The following DNM3 variants were observed in gnomAD, a reference collection of about 807,000 sequenced individuals.
DNM3 encodes the protein dynamin 3.
A neutral mutation model predicts 101.6 loss-of-function variants in DNM3; 47 were observed. That is an observed-to-expected ratio of 0.46 (90% CI 0.37 to 0.59). DNM3 has a LOEUF of 0.59. Among genes scored for constraint, DNM3 ranks in the 20% least tolerant of loss-of-function variants. The pLI, the probability that DNM3 is intolerant of heterozygous loss-of-function variation, is 0.00. For synonymous variants in DNM3, 385 were observed against 387.9 expected (o/e 0.99, Z 0.09); for missense variants, 849 against 1,085.7 (o/e 0.78, Z 3.06).
At chr1:172,091,273 A>G (rs1309349005) in intron 12 of DNM3, among the ~76,000 whole-genome samples, 1 of 152,242 alleles carries the variant, frequency 6.6e-6, no homozygotes, top group Non-Finnish European at 1.5e-5. Context: ...ACCCCTGCTC[A>G]TTAGGAGCTT....
intron 1 of DNM3, among the ~76,000 whole-genome samples, chr1:171,843,170 TA>T (rs1238617633): frequency 1.3e-5 from 2 of 152,216 alleles, no homozygotes; most frequent in Non-Finnish European, 1.5e-5. Flanking sequence ...TCTCAGATGA[TA>T]TTTTTTTTCC....
intron 15 of DNM3, among the ~76,000 whole-genome samples, chr1:172,254,965 C>A (rs1035950574): frequency 1.3e-5 from 2 of 152,066 alleles, no homozygotes; most frequent in African/African-American, 4.8e-5. Flanking sequence ...TGCCTTTTAT[C>A]TTTATTTAGC....
chr1:172,363,256 G>C (rs1171725922), intron 17 of DNM3, among the ~76,000 whole-genome samples: 2 of 151,724 alleles, frequency 1.3e-5, no homozygotes. Flanking sequence ...TACATTTTCT[G>C]TTGTGGCTTC....
chr1:171,891,260 A>G (rs1157611965), intron 1 of DNM3, among the ~76,000 whole-genome samples: 1 of 152,084 alleles, frequency 6.6e-6, no homozygotes, highest in African/African-American at 2.4e-5. Context: ...AGTAAACATC[A>G]CAGCTTTTTC....
chr1:171,992,046 C>G (rs1229035904), intron 4 of DNM3, among the ~76,000 whole-genome samples: 1 of 152,058 alleles, frequency 6.6e-6, no homozygotes, highest in Admixed American at 6.6e-5. Context: ...CTCACAACTT[C>G]CAATCTAGTA....
intron 17 of DNM3, among the ~76,000 whole-genome samples, chr1:172,357,358 AAAGTT>A (rs1485737548): frequency 6.6e-6 from 1 of 152,156 alleles, no homozygotes; most frequent in Non-Finnish European, 1.5e-5. Context: ...CCAAATGATC[AAAGTT>A]AACATCACTA....
chr1:171,929,723 T>C (rs2040852843), intron 2 of DNM3, among the ~76,000 whole-genome samples: 2 of 151,936 alleles, frequency 1.3e-5, no homozygotes, highest in Admixed American at 1.3e-4. Flanking sequence ...CAGGGAAGTT[T>C]CAAGTCTCTG....
Position 171,986,593 on chromosome 1 carries a change from G to A in DNM3, c.236-1063G>A, listed in dbSNP as rs190165486. 2.1e-4 allele frequency among the ~76,000 whole-genome samples: 32 copies of A among 150,880 alleles called. 1 individual carries two copies. The East Asian group carries it at 6.0e-3, about 28-fold the overall frequency. On this transcript the variant is annotated intron_variant, in intron 2 of 20. Transcript: ENST00000627582. The stretch of plus-strand genomic sequence containing the variant: ...AGAGTGAATATTAAATGTTTATGAT[G>A]GGTAATGGTAGTAAAGCTACCAATA...
At chr1:172,017,417 G>C (rs999659324) in intron 4 of DNM3, among the ~76,000 whole-genome samples, 24 of 151,984 alleles carry the variant, frequency 1.6e-4, no homozygotes, top group African/African-American at 5.8e-4. Flanking sequence ...AGTTCAAACT[G>C]TTTTTTAAGT....
At chr1:172,202,987 T>C (rs1298833603) in intron 14 of DNM3, among the ~76,000 whole-genome samples, 1 of 152,152 alleles carries the variant, frequency 6.6e-6, no homozygotes, top group East Asian at 1.9e-4. Context: ...TTCTAGAAAT[T>C]ATCTGTTGCA....
chr1:172,094,676 A>G lies in DNM3; in HGVS notation c.1545+1801A>G, dbSNP rs369472018. ...AGATATGTGCCCTGTAAAGAATAGA[A>G]ACATTACTCCCAAAAGTTAGGTGCT... is the stretch of plus-strand genomic sequence containing the variant. On this transcript the variant is annotated intron_variant, in intron 13 of 20. Transcript: ENST00000627582. 5.9e-5 allele frequency among the ~76,000 whole-genome samples: 9 copies of G among 152,338 alleles called. No homozygotes were observed. In the East Asian group the frequency reaches 1.7e-3, roughly 29 times the overall value.
At chr1:172,219,685 C>A (rs1242331816) in intron 14 of DNM3, among the ~76,000 whole-genome samples, 4 of 152,090 alleles carry the variant, frequency 2.6e-5, no homozygotes, top group Non-Finnish European at 4.4e-5. Flanking sequence ...GAGACAGACA[C>A]AAGGTGAAGA....
In DNM3 at chr1:172,162,491, GA is replaced by G. The variant is rs1031423902; in HGVS notation, c.1659+31211del. The stretch of plus-strand genomic sequence containing the variant: ...CTCAAAAACACAAACATGGAAAGCA[GA>G]AAAAAAATAGAAAGAAAGAGAGATG... On this transcript the variant is annotated intron_variant, in intron 14 of 20. Transcript: ENST00000627582. 2.0e-5 allele frequency among the ~76,000 whole-genome samples: 3 copies of G among 151,690 alleles called. No individual in the cohort carries two copies. In the East Asian group the frequency reaches 5.8e-4, roughly 29 times the overall value.
intron 2 of DNM3, among the ~76,000 whole-genome samples, chr1:171,953,621 G>T (rs1190566340): frequency 1.3e-5 from 2 of 151,410 alleles, no homozygotes; most frequent in African/African-American, 4.9e-5. Flanking sequence ...TAGAGATGGG[G>T]TTTCACCATA....
chr1:172,139,609 A>G (rs1219917644), intron 14 of DNM3: 1 of 152,262 alleles, frequency 6.6e-6, no homozygotes, highest in East Asian at 1.9e-4. Flanking sequence ...TAAGTTATCC[A>G]CCTCTTAATT....
chr1:172,307,117 C>T (rs769296573), intron 15 of DNM3, among the ~76,000 whole-genome samples: 10 of 152,144 alleles, frequency 6.6e-5, no homozygotes, highest in Non-Finnish European at 1.2e-4. Flanking sequence ...AAAAATTTTG[C>T]ATTCTACCCA....
chr1:172,287,294 C>A (rs921131640), intron 15 of DNM3, among the ~76,000 whole-genome samples: 1 of 152,054 alleles, frequency 6.6e-6, no homozygotes, highest in African/African-American at 2.4e-5. Flanking sequence ...AGGTTTCTAC[C>A]ATTTAAATTG....
In DNM3 at chr1:172,344,323, T is replaced by A. The variant is rs1015220268; in HGVS notation, c.1893+20983T>A. On this transcript the variant is annotated intron_variant, in intron 17 of 20. Transcript: ENST00000627582. Reference sequence around the variant, plus strand: ...CTCTGCCCAGGTTATGTTACCCTTTTACTGTTGTGAGTGGGTTAGAAGGTA... The same window carrying A: ...CTCTGCCCAGGTTATGTTACCCTTTAACTGTTGTGAGTGGGTTAGAAGGTA... 3.3e-5 allele frequency among the ~76,000 whole-genome samples: 5 copies of A among 152,240 alleles called. No individual in the cohort carries two copies. In the South Asian group the frequency reaches 1.0e-3, roughly 32 times the overall value.
intron 10 of DNM3, among the ~76,000 whole-genome samples, chr1:172,062,376 T>A (rs1432651272): frequency 1.3e-5 from 2 of 152,198 alleles, no homozygotes; most frequent in Non-Finnish European, 1.5e-5. Flanking sequence ...TTTTATTCAC[T>A]CAAGGTTGGA....
Sources: gnomAD v4.1 joint callset for allele counts (sites outside exome capture counted in the v4.1 genomes callset) on GRCh38, gnomAD v4.1.1 for gene constraint, MANE v1.5 for transcripts, NCBI Gene and HGNC (gene_info 2026-07-23, HGNC 2026-07-21) for gene names.